Variants in PRKRA observed in about 807,000 individuals in gnomAD.
PRKRA encodes the protein protein activator of interferon induced protein kinase EIF2AK2.
Under a neutral mutation model 32.4 loss-of-function variants are expected in PRKRA, and 22 were observed. The observed-to-expected ratio is 0.68, with a 90% CI of 0.49 to 0.97. The LOEUF is 0.97. Among genes scored for constraint, PRKRA ranks in the 50% least tolerant of loss-of-function variants. The pLI, the probability that PRKRA is intolerant of heterozygous loss-of-function variation, is 0.00. For missense variants in PRKRA, 319 were observed against 375.6 expected, an observed-to-expected ratio of 0.85 and a Z score of 1.25; for synonymous variants, 139 against 129.8, an observed-to-expected ratio of 1.07 and a Z score of -0.48.
Position 178,451,020 on chromosome 2 carries a change from C to T in PRKRA, c.11G>A (p.Ser4Asn), listed in dbSNP as rs1466675040. Residue 4 changes from serine to asparagine, a missense_variant, in exon 1 of 8, where the codon AGC becomes AAC. Physicochemically the swap from Ser to Asn is conservative, Grantham distance 46. Transcript: ENST00000325748. MSQSRHRAEAPPLE... is the reference protein window; with the variant it reads MSQNRHRAEAPPLE... ...CGGCGGGGCCTCGGCGCGGTGCCTGCTCTGGGACATGGCGAGAAGGGACGG... is the reference window on the plus strand; with the variant it reads ...CGGCGGGGCCTCGGCGCGGTGCCTGTTCTGGGACATGGCGAGAAGGGACGG... 6.4e-7 allele frequency: 1 copy of T among 1,556,866 alleles called. No individual in the cohort carries two copies. The highest frequency in any genetic ancestry group is 8.6e-7 in the Non-Finnish European group (1 of 1,156,756).
intron 7 of PRKRA, chr2:178,433,529 T>C (rs1696755421): frequency 6.6e-6 from 1 of 152,242 alleles, no homozygotes; most frequent in African/African-American, 2.4e-5. Flanking sequence ...TTCCATTTCA[T>C]TAATGATAGC....
chr2:178,436,373 C>T, intron 6 of PRKRA, 54 bp from the exon 7 acceptor site: 1 of 1,434,508 alleles, frequency 7.0e-7, no homozygotes, highest in Non-Finnish European at 9.8e-7. Flanking sequence ...GTTCCAACAC[C>T]CGTACCAGTA....
intron 6 of PRKRA, among the ~76,000 whole-genome samples, chr2:178,441,018 T>C (rs531703947): frequency 3.0e-4 from 45 of 152,322 alleles, no homozygotes; most frequent in Non-Finnish European, 5.0e-4. Context: ...CTCCTGGCCT[T>C]TGCACACGCT....
At chr2:178,435,983 T>C (rs1168603453) in intron 7 of PRKRA, among the ~76,000 whole-genome samples, 162 bp downstream of exon 7, 1 of 152,224 alleles carries the variant, frequency 6.6e-6, no homozygotes, top group East Asian at 1.9e-4. Flanking sequence ...ATGGGACATA[T>C]CAATTATATA....
rs745969132 is a variant in PRKRA at position 178,441,707 on chromosome 2, G to A, written c.515-3C>T. ...TTGCTTTTTTGATGCCCCCTTTCCT[G>A]AACAAAGAAAAAGAAATGGTAGATT... is the stretch of plus-strand genomic sequence containing the variant. On this transcript the variant is annotated splice_region_variant and splice_polypyrimidine_tract_variant and intron_variant, in intron 5 of 7. Transcript: ENST00000325748. 14 of 1,594,776 alleles carry A rather than the reference G, an allele frequency of 8.8e-6. No homozygotes were observed. The highest frequency in any genetic ancestry group is 1.1e-5 in the South Asian group (1 of 90,688).
chr2:178,450,746 C>A, intron 1 of PRKRA: 2 of 1,353,030 alleles, frequency 1.5e-6, no homozygotes, highest in Non-Finnish European at 1.9e-6. Flanking sequence ...GCGTCACCTC[C>A]GCCCGCCCCG....
In PRKRA at chr2:178,433,140, C is replaced by CCCT. The variant is rs200262334; in HGVS notation, c.785-889_785-887dup. Among the ~76,000 whole-genome samples the CCCT allele has an allele frequency of 9.9e-3, 1,504 of 152,282 alleles. 23 individuals are homozygous for CCCT. The highest frequency in any genetic ancestry group is 0.034 in the African/African-American group (1,430 of 41,558). On this transcript the variant is annotated intron_variant, in intron 7 of 7. Coordinates refer to ENST00000325748, the MANE Select transcript of PRKRA (RefSeq NM_003690.5). Reference sequence around the variant, plus strand: ...TAGTATCTAGGTTCTTTTCTCCTGACCCTCCAGCTTCTGCTTGAGGCTCAT... The same window carrying CCCT: ...TAGTATCTAGGTTCTTTTCTCCTGACCCTCCTCCAGCTTCTGCTTGAGGCTCAT...
intron 7 of PRKRA, among the ~76,000 whole-genome samples, chr2:178,435,383 C>CAAA (rs765962501): frequency 4.6e-4 from 28 of 61,408 alleles, no homozygotes; most frequent in East Asian, 2.1e-3. Flanking sequence ...TACTCCGTCT[C>CAAA]AAAAAAAAAA....
chr2:178,438,562 A>C (rs1221147573), intron 6 of PRKRA, among the ~76,000 whole-genome samples: 1 of 152,158 alleles, frequency 6.6e-6, no homozygotes, highest in Non-Finnish European at 1.5e-5. Context: ...TTCTCTAGTA[A>C]AGCAGCACAC....
At chr2:178,433,968 T>C (rs1696776243) in intron 7 of PRKRA, 1 of 152,236 alleles carries the variant, frequency 6.6e-6, no homozygotes, top group South Asian at 2.1e-4. Context: ...AAAATTTATC[T>C]TGGGTTTCCT....
At position 178,432,020 on chromosome 2, in the gene PRKRA, G is replaced by A; in HGVS notation, c.*77C>T. On this transcript the variant is annotated 3_prime_UTR_variant, in exon 8 of 8. Transcript: ENST00000325748. The stretch of plus-strand genomic sequence containing the variant: ...TTAGAAACAAGACATAAACACTACG[G>A]TAAAAGTTTTACTTGGGAAGGGGCC... 4 of 1,498,594 alleles carry A rather than the reference G, an allele frequency of 2.7e-6. No homozygotes were observed. The highest frequency in any genetic ancestry group is 3.7e-6 in the Non-Finnish European group (4 of 1,083,464). 92.8% of individuals were successfully genotyped at this position (1,498,594 alleles called of 1,614,324 possible). A position where few individuals can be genotyped will look rare whatever the true frequency, so the allele number is the denominator to read the frequency against.
At chr2:178,433,099 A>C (rs1387384889) in intron 7 of PRKRA, among the ~76,000 whole-genome samples, 1 of 152,262 alleles carries the variant, frequency 6.6e-6, no homozygotes, top group African/African-American at 2.4e-5. Context: ...TAATGAGTAA[A>C]GAGGCTTTCT....
At chr2:178,450,764 C>G (rs1052795523) in intron 1 of PRKRA, 25 of 1,349,620 alleles carry the variant, frequency 1.9e-5, no homozygotes, top group Non-Finnish European at 2.4e-5. Flanking sequence ...CCGCGCGCCG[C>G]CAGGGACCAC....
chr2:178,444,950 A>G (rs2154125240), intron 3 of PRKRA, among the ~76,000 whole-genome samples: 1 of 152,376 alleles, frequency 6.6e-6, no homozygotes, highest in South Asian at 2.1e-4. Context: ...AAATGTATTT[A>G]AAGAATACTC....
intron 2 of PRKRA, 101 bp from the exon 3 acceptor site, chr2:178,447,687 A>G (rs977198168): frequency 4.8e-6 from 5 of 1,044,614 alleles, no homozygotes; most frequent in East Asian, 4.3e-5. Context: ...TAGATTTTAC[A>G]TACACATACT....
In PRKRA at chr2:178,432,227, T is replaced by C. The variant is rs574337596; in HGVS notation, c.812A>G (p.Gln271Arg). The change falls in exon 8 of 8, where the codon CAA becomes CGA. Residue 271 changes from glutamine to arginine, a missense_variant. By Grantham distance (43) the Gln-to-Arg change is conservative. Coordinates refer to ENST00000325748, the MANE Select transcript of PRKRA (RefSeq NM_003690.5). ...IDELSANGQYQCLAELSTSPI... is the reference protein window; with the variant it reads ...IDELSANGQYRCLAELSTSPI... ...GCTGGTGGACAGTTCAGCAAGACAT[T>C]GATATTGTCCATTGGCGCTCAGTTC... The C allele has an allele frequency of 6.2e-7, 1 of 1,614,266 alleles. No homozygotes were observed. Among genetic ancestry groups the C allele is most frequent in the Admixed American group, 1.7e-5 (1 of 60,032 alleles).
chr2:178,448,611 C>T (rs1393826164), intron 2 of PRKRA, among the ~76,000 whole-genome samples: 4 of 151,980 alleles, frequency 2.6e-5, no homozygotes, highest in Non-Finnish European at 5.9e-5. Context: ...AGAATGAACA[C>T]TGGTTGTAAT....
chr2:178,434,297 GACAGGGTTTC>G (rs1454587028), intron 7 of PRKRA, among the ~76,000 whole-genome samples: 2 of 152,026 alleles, frequency 1.3e-5, no homozygotes, highest in African/African-American at 4.8e-5. Flanking sequence ...TTTTAGTAGA[GACAGGGTTTC>G]ACCGTGTTGG....
chr2:178,432,241 G>C lies in PRKRA; in HGVS notation c.798C>G (p.Ala266=). 1 of 1,614,244 alleles carries C rather than the reference G, an allele frequency of 6.2e-7. No homozygotes were observed. The highest frequency in any genetic ancestry group is 1.1e-5 in the South Asian group (1 of 91,086). The change falls in exon 8 of 8, where the codon GCC becomes GCG. Residue 266 remains alanine (A), a synonymous_variant. Transcript: ENST00000325748. ...CAGCAAGACATTGATATTGTCCATTGGCGCTCAGTTCATCTGTAATGACAC... is the reference window on the plus strand; with the variant it reads ...CAGCAAGACATTGATATTGTCCATTCGCGCTCAGTTCATCTGTAATGACAC... ...ITYLDIDELS[A]NGQYQCLAEL... is the part of the protein sequence containing the mutation.
Sources: allele counts gnomAD v4.1 joint callset (sites outside exome capture counted in the v4.1 genomes callset), GRCh38; gene constraint gnomAD v4.1.1; transcripts MANE v1.5; gene names NCBI Gene and HGNC (gene_info 2026-07-23, HGNC 2026-07-21).